SLC9A4: variants seen among roughly 807,000 people sequenced by gnomAD.
SLC9A4 encodes the protein solute carrier family 9 member A4, also known as sodium/hydrogen exchanger 4.
In SLC9A4, 63 loss-of-function variants were observed where a neutral mutation model predicts 67.4. The ratio of observed to expected loss-of-function variants is 0.93; its 90% CI spans 0.76 to 1.15. The LOEUF is 1.15. SLC9A4 is among the 50% of genes most tolerant of loss of function. SLC9A4 has a pLI of 0.00. For missense variants in SLC9A4, 1,089 were observed against 987.7 expected, an observed-to-expected ratio of 1.10 and a Z score of -1.38; for synonymous variants, 393 against 367.2, an observed-to-expected ratio of 1.07 and a Z score of -0.80.
Position 102,503,481 on chromosome 2 carries a change from A to T in SLC9A4, c.754A>T (p.Met252Leu). 1 of 1,613,032 alleles carries T rather than the reference A, an allele frequency of 6.2e-7. No individual in the cohort carries two copies. The highest frequency in any genetic ancestry group is 8.5e-7 in the Non-Finnish European group (1 of 1,179,118). Reference protein sequence around the residue: ...LYNMLIAFTKMHKFEDIETVD... With the variant: ...LYNMLIAFTKLHKFEDIETVD... Reference sequence around the variant, plus strand: ...CAATATGTTAATTGCCTTTACAAAGATGCATAAATTTGAAGACATAGAAAC... The same window carrying T: ...CAATATGTTAATTGCCTTTACAAAGTTGCATAAATTTGAAGACATAGAAAC... Residue 252 changes from methionine to leucine, a missense_variant, in exon 3 of 12, where the codon ATG (methionine) becomes TTG (leucine). Transcript: ENST00000295269.
chr2:102,518,437 G>A (rs1685322962), intron 8 of SLC9A4, among the ~76,000 whole-genome samples: 1 of 152,176 alleles, frequency 6.6e-6, no homozygotes, highest in African/African-American at 2.4e-5. Flanking sequence ...AATGTTATGT[G>A]AAGGACATTT....
At chr2:102,496,226 A>C (rs981107745) in intron 2 of SLC9A4, among the ~76,000 whole-genome samples, 8 of 152,356 alleles carry the variant, frequency 5.3e-5, no homozygotes, top group Admixed American at 5.2e-4. Flanking sequence ...TTGAACAGAT[A>C]CACCATAAAA....
rs544108083 is a variant in SLC9A4, at chr2:102,489,305, G to T, written c.720+10003G>T. Among the ~76,000 whole-genome samples the T allele has an allele frequency of 2.0e-5, 3 of 152,298 alleles. No individual in the cohort carries two copies. The South Asian group carries it at 6.2e-4, about 32-fold the overall frequency. On this transcript the variant is annotated intron_variant, in intron 2 of 11. Coordinates refer to ENST00000295269, the MANE Select transcript of SLC9A4 (RefSeq NM_001011552.4). Reference sequence around the variant, plus strand: ...TGGGTGAGGAACAGGTGTTGGTGGAGGTGGATGATAGTATTAGGTTGGTTT... The same window carrying T: ...TGGGTGAGGAACAGGTGTTGGTGGATGTGGATGATAGTATTAGGTTGGTTT...
rs761792429 is a variant in SLC9A4 at position 102,473,526 on chromosome 2, TA to T, written c.-232del. On this transcript the variant is annotated 5_prime_UTR_variant, in exon 1 of 12. It removes the in-frame stop codon of an upstream open reading frame in the 5' UTR. Transcript: ENST00000295269. ...CATGGACTTTAACAAGTCTATTGAATAACTGCATTTGAGTTGGAAGCTGAGT... is the reference window on the plus strand; with the variant it reads ...CATGGACTTTAACAAGTCTATTGAATACTGCATTTGAGTTGGAAGCTGAGT... 3.3e-5 allele frequency: 18 copies of T among 540,186 alleles called. No individual in the cohort carries two copies. The highest frequency in any genetic ancestry group is 5.2e-5 in the Non-Finnish European group (16 of 306,412). 33.5% of individuals were successfully genotyped at this position (540,186 alleles called of 1,614,324 possible). A position where few individuals can be genotyped will look rare whatever the true frequency, so the allele number is the denominator to read the frequency against.
intron 2 of SLC9A4, among the ~76,000 whole-genome samples, chr2:102,486,484 A>G (rs1684591840): frequency 6.6e-6 from 1 of 152,210 alleles, no homozygotes; most frequent in African/African-American, 2.4e-5. Context: ...CTGTATGTGC[A>G]CTTGAACAGC....
intron 1 of SLC9A4, 120 bp from the exon 2 acceptor site, chr2:102,478,719 C>A: frequency 1.1e-6 from 1 of 947,280 alleles, no homozygotes; most frequent in Non-Finnish European, 1.6e-6. Flanking sequence ...ACAGATGGGA[C>A]GCTGAGGCTG....
intron 2 of SLC9A4, among the ~76,000 whole-genome samples, chr2:102,497,412 G>A (rs1684832954): frequency 6.6e-6 from 1 of 152,184 alleles, no homozygotes; most frequent in African/African-American, 2.4e-5. Flanking sequence ...AAACTGGGGA[G>A]TTGGGAGTGG....
intron 8 of SLC9A4, among the ~76,000 whole-genome samples, chr2:102,515,817 G>A (rs1291362694): frequency 6.6e-6 from 1 of 152,066 alleles, no homozygotes; most frequent in Non-Finnish European, 1.5e-5. Flanking sequence ...CAGCCACCTT[G>A]AAGCAGACAC....
At chr2:102,495,306 G>T (rs1271307740) in intron 2 of SLC9A4, among the ~76,000 whole-genome samples, 2 of 152,058 alleles carry the variant, frequency 1.3e-5, no homozygotes, top group Non-Finnish European at 2.9e-5. Flanking sequence ...ATACTTCGAA[G>T]TGAATTTAAC....
chr2:102,477,879 G>GT (rs1176022865), intron 1 of SLC9A4, among the ~76,000 whole-genome samples: 3 of 152,154 alleles, frequency 2.0e-5, no homozygotes, highest in Admixed American at 6.5e-5. Flanking sequence ...CACCATGTTT[G>GT]TTGATATGTT....
intron 2 of SLC9A4, among the ~76,000 whole-genome samples, chr2:102,502,501 A>G (rs1033531593): frequency 3.0e-4 from 46 of 152,246 alleles, no homozygotes; most frequent in African/African-American, 9.9e-4. Flanking sequence ...AGGCATAACT[A>G]TAAGATATAA....
chr2:102,486,051 T>G (rs1293952713), intron 2 of SLC9A4, among the ~76,000 whole-genome samples: 1 of 152,212 alleles, frequency 6.6e-6, no homozygotes, highest in East Asian at 1.9e-4. Context: ...CAAATTTTCC[T>G]TCATGATTCC....
intron 8 of SLC9A4, among the ~76,000 whole-genome samples, chr2:102,516,062 G>A (rs371672230): frequency 1.3e-5 from 2 of 152,186 alleles, no homozygotes; most frequent in Non-Finnish European, 2.9e-5. Context: ...ATCTAAATGA[G>A]AATCAGTCTG....
At position 102,491,317 on chromosome 2, in the gene SLC9A4, C is replaced by CTTTTTT. The variant is rs61708027; in HGVS notation, c.720+12045_720+12050dup. On this transcript the variant is annotated intron_variant, in intron 2 of 11. Coordinates refer to ENST00000295269, the MANE Select transcript of SLC9A4 (RefSeq NM_001011552.4). Reference sequence around the variant, plus strand: ...ATTTCTCTTCCCATTTGTACTAATGCTTTTTTTTTTTTTTTTTTTTTTTTT... The same window carrying CTTTTTT: ...ATTTCTCTTCCCATTTGTACTAATGCTTTTTTTTTTTTTTTTTTTTTTTTTTTTTTT... Among the ~76,000 whole-genome samples the CTTTTTT allele has an allele frequency of 1.9e-3, 89 of 45,772 alleles. 7 individuals are homozygous for CTTTTTT. The highest frequency in any genetic ancestry group is 8.2e-3 in the East Asian group (9 of 1,094). The allele number at this position is 45,772 out of a possible 152,430, so 30.0% of individuals were successfully genotyped here.
intron 4 of SLC9A4, chr2:102,505,820 C>T (rs1445360583): frequency 4.3e-6 from 1 of 230,038 alleles, no homozygotes; most frequent in African/African-American, 2.3e-5. Context: ...TTTTTGGTTC[C>T]TAAGACCAAC....
chr2:102,478,370 T>C (rs1684377682), intron 1 of SLC9A4, among the ~76,000 whole-genome samples: 1 of 152,188 alleles, frequency 6.6e-6, no homozygotes, highest in Non-Finnish European at 1.5e-5. Flanking sequence ...AGCAATGTCA[T>C]TGGTTAAACA....
chr2:102,495,134 AT>A lies in SLC9A4; in HGVS notation c.721-8306del, dbSNP rs535068538. On this transcript the variant is annotated intron_variant, in intron 2 of 11. Transcript: ENST00000295269. ...GAAGACTTGTTACCATACAGAGTATATTTTTTTTACACAACAGAATTAAAAA... is the reference window on the plus strand; with the variant it reads ...GAAGACTTGTTACCATACAGAGTATATTTTTTTACACAACAGAATTAAAAA... Among the ~76,000 whole-genome samples, 1,232 of 151,908 alleles carry A rather than the reference AT, an allele frequency of 8.1e-3. 14 individuals are homozygous for A. Among genetic ancestry groups the A allele is most frequent in the African/African-American group, 0.028 (1,169 of 41,508 alleles).
intron 2 of SLC9A4, among the ~76,000 whole-genome samples, chr2:102,493,897 C>T (rs1684755046): frequency 1.3e-5 from 2 of 151,836 alleles, no homozygotes; most frequent in East Asian, 1.9e-4. Flanking sequence ...AGACTACTTC[C>T]CAGACCCCAG....
intron 2 of SLC9A4, among the ~76,000 whole-genome samples, chr2:102,491,691 A>G (rs1684705817): frequency 6.6e-6 from 1 of 152,174 alleles, no homozygotes; most frequent in South Asian, 2.1e-4. Context: ...CAGCCAAATC[A>G]TATTGTTTTA....
Sources: allele counts gnomAD v4.1 joint callset (sites outside exome capture counted in the v4.1 genomes callset), GRCh38; gene constraint gnomAD v4.1.1; transcripts MANE v1.5; gene names NCBI Gene and HGNC (gene_info 2026-07-23, HGNC 2026-07-21).